Variants in FAF1 observed in about 807,000 individuals in gnomAD.
The protein encoded by FAF1 is Fas associated factor 1, also known as FAS-associated factor 1.
In FAF1, 25 loss-of-function variants were observed where a neutral mutation model predicts 92.5. That is an observed-to-expected ratio of 0.27 (90% CI 0.20 to 0.38). The LOEUF (loss-of-function observed/expected upper bound fraction) is 0.38. FAF1 is among the 10% of genes least tolerant of loss of function. The pLI is 1.00. For missense variants in FAF1, 636 were observed against 793.3 expected (o/e 0.80, Z 2.38); for synonymous variants, 234 against 273.2 (o/e 0.86, Z 1.42).
intron 8 of FAF1, among the ~76,000 whole-genome samples, chr1:50,612,723 G>C (rs1652736586): frequency 6.6e-6 from 1 of 151,968 alleles, no homozygotes; most frequent in African/African-American, 2.4e-5. Context: ...TTTCCTCCTA[G>C]GAAAAAAGAG....
At chr1:50,911,717 T>C (rs1644887078) in intron 1 of FAF1, among the ~76,000 whole-genome samples, 1 of 151,376 alleles carries the variant, frequency 6.6e-6, no homozygotes, top group South Asian at 2.1e-4. Context: ...ATTTCTCCCA[T>C]GAATGGGTAA....
At chr1:50,604,696 T>C in intron 8 of FAF1, among the ~76,000 whole-genome samples, 1 of 152,072 alleles carries the variant, frequency 6.6e-6, no homozygotes, top group East Asian at 1.9e-4. Flanking sequence ...TTTGTAGAAA[T>C]GAGGGTCTCC....
intron 8 of FAF1, among the ~76,000 whole-genome samples, chr1:50,623,035 T>A (rs1258352766): frequency 6.6e-6 from 1 of 152,112 alleles, no homozygotes; most frequent in Non-Finnish European, 1.5e-5. Flanking sequence ...AATATCATCT[T>A]CTCCTACACC....
chr1:50,458,033 G>C (rs1326539230), intron 18 of FAF1, among the ~76,000 whole-genome samples: 1 of 151,576 alleles, frequency 6.6e-6, no homozygotes, highest in Admixed American at 6.6e-5. Context: ...GACCAACATG[G>C]AGAAACCCCA....
At chr1:50,908,621 A>G (rs1299587126) in intron 1 of FAF1, among the ~76,000 whole-genome samples, 1 of 152,086 alleles carries the variant, frequency 6.6e-6, no homozygotes, top group African/African-American at 2.4e-5. Flanking sequence ...CTTTACCATT[A>G]TGTAATGGCC....
chr1:50,871,372 T>C (rs1644526942), intron 1 of FAF1, among the ~76,000 whole-genome samples: 1 of 152,206 alleles, frequency 6.6e-6, no homozygotes, highest in African/African-American at 2.4e-5. Flanking sequence ...CAGCCTTCTA[T>C]TGGAAGAAAA....
In FAF1 at chr1:50,437,444, G is replaced by A. The variant is rs1007992882; in HGVS notation, c.*3996C>T. 3 of 150,752 alleles carry A rather than the reference G, an allele frequency of 2.0e-5. No homozygotes were observed. Among genetic ancestry groups the A allele is most frequent in the East Asian group, 3.9e-4 (2 of 5,142 alleles). The allele number at this position is 150,752 out of a possible 1,614,324, so 9.3% of individuals were successfully genotyped here. ...TGATGCCTAGGCCAGAGTAGCAGTC[G>A]CACTATCATGGCTCACTGTAGCCTT... On this transcript the variant is annotated 3_prime_UTR_variant, in exon 19 of 19. Coordinates refer to ENST00000396153, the MANE Select transcript of FAF1 (RefSeq NM_007051.3).
chr1:50,737,506 C>G (rs1659191091), intron 6 of FAF1, among the ~76,000 whole-genome samples: 1 of 152,136 alleles, frequency 6.6e-6, no homozygotes, highest in Non-Finnish European at 1.5e-5. Flanking sequence ...AACTATTTAA[C>G]TTAATTTCAT....
At chr1:50,503,612 C>G (rs971585404) in intron 15 of FAF1, among the ~76,000 whole-genome samples, 3 of 145,200 alleles carry the variant, frequency 2.1e-5, no homozygotes, top group African/African-American at 7.8e-5. Flanking sequence ...GATTCCCTGT[C>G]TCTTTAAAAA....
chr1:50,452,000 C>G, intron 18 of FAF1: 2 of 1,231,036 alleles, frequency 1.6e-6, no homozygotes, highest in African/African-American at 1.6e-5. Flanking sequence ...GCTTTGGTCA[C>G]TATACTATTA....
intron 6 of FAF1, among the ~76,000 whole-genome samples, chr1:50,725,840 C>G (rs991796572): frequency 6.6e-6 from 1 of 152,172 alleles, no homozygotes; most frequent in Non-Finnish European, 1.5e-5. Flanking sequence ...CCTGCTTGAA[C>G]AAACAGCACT....
In FAF1 at chr1:50,572,335, C is replaced by T. The variant is rs558616583; in HGVS notation, c.1114-5104G>A. Among the ~76,000 whole-genome samples the T allele has an allele frequency of 3.3e-5, 5 of 152,216 alleles. No homozygotes were observed. The East Asian group carries it at 9.6e-4, about 29-fold the overall frequency. ...AAATGTCTTGAGAATAATACATTCC[C>T]TTACATAATCATCATATTTATATCA... is the stretch of plus-strand genomic sequence containing the variant. On this transcript the variant is annotated intron_variant, in intron 12 of 18. Transcript: ENST00000396153.
chr1:50,599,452 C>T (rs1210988220), intron 8 of FAF1, among the ~76,000 whole-genome samples: 1 of 152,136 alleles, frequency 6.6e-6, no homozygotes, highest in Non-Finnish European at 1.5e-5. Flanking sequence ...CAATGGTAGG[C>T]AAATCTGCTG....
chr1:50,514,462 C>T (rs1418428209), intron 15 of FAF1, among the ~76,000 whole-genome samples: 1 of 152,178 alleles, frequency 6.6e-6, no homozygotes, highest in Non-Finnish European at 1.5e-5. Flanking sequence ...CAGGTTACTA[C>T]TTATTATATC....
intron 3 of FAF1, among the ~76,000 whole-genome samples, chr1:50,790,504 T>C (rs1661525980): frequency 6.6e-6 from 1 of 152,142 alleles, no homozygotes; most frequent in Admixed American, 6.6e-5. Context: ...TAGGAGGCAC[T>C]CAAATATTTG....
intron 2 of FAF1, among the ~76,000 whole-genome samples, chr1:50,803,258 G>T (rs537029065): frequency 3.3e-5 from 5 of 152,200 alleles, no homozygotes; most frequent in Non-Finnish European, 7.4e-5. Flanking sequence ...TGCTGGAAAA[G>T]AAACAAAATA....
intron 4 of FAF1, among the ~76,000 whole-genome samples, chr1:50,777,835 T>C (rs920287559): frequency 1.3e-5 from 2 of 151,068 alleles, no homozygotes; most frequent in Admixed American, 1.3e-4. Flanking sequence ...GGATAGGGAG[T>C]AACTGGAACC....
intron 7 of FAF1, among the ~76,000 whole-genome samples, chr1:50,681,077 C>G (rs966883899): frequency 6.6e-6 from 1 of 151,996 alleles, no homozygotes; most frequent in Non-Finnish European, 1.5e-5. Context: ...GACAGAGTCT[C>G]GCTCTGTCAC....
intron 14 of FAF1, among the ~76,000 whole-genome samples, chr1:50,539,323 T>C (rs150908931): frequency 2.0e-5 from 3 of 152,348 alleles, no homozygotes; most frequent in Admixed American, 1.3e-4. Flanking sequence ...TCCTAATTGA[T>C]AGATTATACA....
Sources: allele counts gnomAD v4.1 joint callset (sites outside exome capture counted in the v4.1 genomes callset), GRCh38; gene constraint gnomAD v4.1.1; transcripts MANE v1.5; gene names NCBI Gene and HGNC (gene_info 2026-07-23, HGNC 2026-07-21).